Variants in TMEM178B observed in about 807,000 individuals in gnomAD.
TMEM178B encodes transmembrane protein 178B.
In TMEM178B, 5 loss-of-function variants were observed where a neutral mutation model predicts 31.0. The observed-to-expected ratio is 0.16, with a 90% CI of 0.08 to 0.34. The LOEUF (loss-of-function observed/expected upper bound fraction) is 0.34, where lower values mean the gene tolerates loss of function less well. Ranked by LOEUF, TMEM178B falls within the 10% of genes least tolerant of loss-of-function variation. The pLI, the probability that TMEM178B is intolerant of heterozygous loss-of-function variation, is 1.00. For synonymous variants in TMEM178B, 164 were observed against 164.0 expected, an observed-to-expected ratio of 1.00 and a Z score of 0.00; for missense variants, 275 against 400.3, an observed-to-expected ratio of 0.69 and a Z score of 2.67.
chr7:141,084,331 T>C (rs571666768), intron 1 of TMEM178B, among the ~76,000 whole-genome samples: 23 of 152,328 alleles, frequency 1.5e-4, no homozygotes, highest in Non-Finnish European at 2.8e-4. Context: ...TAAAAATCAT[T>C]GAATGGTGAA....
intron 2 of TMEM178B, among the ~76,000 whole-genome samples, chr7:141,269,175 A>C (rs145632067): frequency 0.01 from 1,500 of 148,782 alleles, 25 homozygotes; most frequent in African/African-American, 0.035. Context: ...ACAGTAACCT[A>C]CACCTCCCGG....
At chr7:141,180,123 C>G (rs1236450724) in intron 1 of TMEM178B, among the ~76,000 whole-genome samples, 1 of 152,110 alleles carries the variant, frequency 6.6e-6, no homozygotes, top group African/African-American at 2.4e-5. Context: ...TTGTGCTTAT[C>G]ATCGATATGT....
intron 2 of TMEM178B, among the ~76,000 whole-genome samples, chr7:141,330,261 C>A (rs1799274927): frequency 6.6e-6 from 1 of 152,152 alleles, no homozygotes; most frequent in Admixed American, 6.5e-5. Flanking sequence ...TAATATTGAT[C>A]CTGACACTCT....
intron 1 of TMEM178B, among the ~76,000 whole-genome samples, chr7:141,111,170 C>T (rs1052307570): frequency 6.6e-6 from 1 of 152,104 alleles, no homozygotes; most frequent in Non-Finnish European, 1.5e-5. Context: ...ACAATCATGG[C>T]GGAAGGTGAT....
At chr7:141,441,026 G>A (rs1014198279) in intron 3 of TMEM178B, among the ~76,000 whole-genome samples, 1 of 152,204 alleles carries the variant, frequency 6.6e-6, no homozygotes, top group Admixed American at 6.5e-5. Context: ...TCTCAGGGGT[G>A]GGAGGGCACT....
chr7:141,315,615 G>C (rs1798988596), intron 2 of TMEM178B, among the ~76,000 whole-genome samples: 1 of 152,016 alleles, frequency 6.6e-6, no homozygotes, highest in African/African-American at 2.4e-5. Context: ...ATACTTTCTG[G>C]TATCTTTTGC....
At chr7:141,097,409 C>T (rs1006744594) in intron 1 of TMEM178B, among the ~76,000 whole-genome samples, 9 of 146,478 alleles carry the variant, frequency 6.1e-5, no homozygotes, top group African/African-American at 2.0e-4. Context: ...AAACTGTCTA[C>T]ATCTAGGTTA....
intron 2 of TMEM178B, among the ~76,000 whole-genome samples, chr7:141,306,314 G>A (rs1373153609): frequency 1.3e-5 from 2 of 152,120 alleles, no homozygotes; most frequent in Non-Finnish European, 2.9e-5. Flanking sequence ...ACATGGGAGG[G>A]GCCATCATGG....
intron 2 of TMEM178B, among the ~76,000 whole-genome samples, chr7:141,381,746 A>T (rs912848293): frequency 6.6e-6 from 1 of 152,236 alleles, no homozygotes; most frequent in African/African-American, 2.4e-5. Flanking sequence ...TCTTAGGACA[A>T]TGACAGTTCA....
intron 2 of TMEM178B, among the ~76,000 whole-genome samples, chr7:141,343,525 C>CTTTTTTTT (rs11442055): frequency 2.2e-4 from 19 of 86,996 alleles, no homozygotes; most frequent in South Asian, 5.4e-4. Flanking sequence ...ATGGGAGCAC[C>CTTTTTTTT]TTTTTTTTTT....
intron 2 of TMEM178B, among the ~76,000 whole-genome samples, chr7:141,293,163 G>A (rs1201153893): frequency 6.6e-6 from 1 of 152,176 alleles, no homozygotes. Context: ...GTTTGGAGAT[G>A]AAACACACTT....
chr7:141,371,913 CTTT>C (rs1268113700), intron 2 of TMEM178B, among the ~76,000 whole-genome samples: 1 of 152,212 alleles, frequency 6.6e-6, no homozygotes, highest in African/African-American at 2.4e-5. Context: ...TTCTCATCTT[CTTT>C]ATTTCCTTTT....
chr7:141,079,717 G>A (rs1794653521), intron 1 of TMEM178B, among the ~76,000 whole-genome samples: 1 of 152,136 alleles, frequency 6.6e-6, no homozygotes, highest in African/African-American at 2.4e-5. Context: ...GGTGGGGTGG[G>A]AAAGAGATTA....
chr7:141,178,129 C>G (rs898059983), intron 1 of TMEM178B, among the ~76,000 whole-genome samples: 8 of 152,126 alleles, frequency 5.3e-5, no homozygotes, highest in African/African-American at 1.9e-4. Flanking sequence ...TCTTGTAGGG[C>G]AGGCCTGGTG....
chr7:141,259,775 C>T (rs1797984334), intron 2 of TMEM178B, among the ~76,000 whole-genome samples: 1 of 152,180 alleles, frequency 6.6e-6, no homozygotes, highest in South Asian at 2.1e-4. Context: ...AGAGGCTATG[C>T]CCAACACCTT....
At chr7:141,156,214 G>T (rs1796067527) in intron 1 of TMEM178B, among the ~76,000 whole-genome samples, 1 of 152,172 alleles carries the variant, frequency 6.6e-6, no homozygotes, top group African/African-American at 2.4e-5. Flanking sequence ...TCTGTAACTG[G>T]GGGAAGATCA....
intron 2 of TMEM178B, among the ~76,000 whole-genome samples, chr7:141,380,444 C>G (rs1409123483): frequency 6.6e-6 from 1 of 152,142 alleles, no homozygotes; most frequent in Non-Finnish European, 1.5e-5. Flanking sequence ...GACTTTCATT[C>G]CAAAAGTTTT....
intron 1 of TMEM178B, among the ~76,000 whole-genome samples, chr7:141,103,912 A>T (rs1430544264): frequency 6.6e-6 from 1 of 152,216 alleles, no homozygotes; most frequent in African/African-American, 2.4e-5. Flanking sequence ...TGGATTCAGG[A>T]TCCTTTCAGG....
chr7:141,373,825 G>T (rs542962824), intron 2 of TMEM178B, among the ~76,000 whole-genome samples: 12 of 152,350 alleles, frequency 7.9e-5, no homozygotes, highest in Admixed American at 6.5e-4. Context: ...TGGTCCAGAG[G>T]CAGGGAATTG....
Sources: allele counts gnomAD v4.1 joint callset (sites outside exome capture counted in the v4.1 genomes callset), GRCh38; gene constraint gnomAD v4.1.1; transcripts MANE v1.5; gene names NCBI Gene and HGNC (gene_info 2026-07-23, HGNC 2026-07-21).